Variants in HDAC8 observed in about 807,000 individuals in gnomAD.
The protein encoded by HDAC8 is histone deacetylase-like 1.
In HDAC8, 1 loss-of-function variant was observed where a neutral mutation model predicts 32.2. The observed-to-expected ratio is 0.03, with a 90% confidence interval of 0.01 to 0.15. The LOEUF (loss-of-function observed/expected upper bound fraction) is 0.15. HDAC8 is among the 10% of genes least tolerant of loss of function. The pLI is 1.00. For missense variants in HDAC8, 117 were observed against 300.0 expected (o/e 0.39, Z 4.51); for synonymous variants, 108 against 113.9 (o/e 0.95, Z 0.33).
intron 10 of HDAC8, among the ~76,000 whole-genome samples, chrX:72,331,815 C>T (rs1252643279): frequency 8.9e-5 from 10 of 112,004 alleles, no homozygotes; most frequent in African/African-American, 2.6e-4. Context: ...GTGTATAATT[C>T]TAGGCCATTT....
intron 4 of HDAC8, among the ~76,000 whole-genome samples, chrX:72,554,875 C>G (rs1465354544): frequency 8.9e-6 from 1 of 112,293 alleles, no homozygotes; most frequent in African/African-American, 3.2e-5. Flanking sequence ...AATACTTAAA[C>G]AGGTGTCCCC....
intron 9 of HDAC8, among the ~76,000 whole-genome samples, chrX:72,448,469 A>G (rs1414824457): frequency 2.7e-5 from 3 of 112,531 alleles, no homozygotes; most frequent in African/African-American, 9.7e-5. Context: ...AAGACCTAAA[A>G]TCATAAAAAC....
At chrX:72,337,271 G>A (rs979700356) in intron 10 of HDAC8, among the ~76,000 whole-genome samples, 13 of 112,123 alleles carry the variant, frequency 1.2e-4, no homozygotes, top group Non-Finnish European at 2.1e-4. Context: ...TGCTCAATAT[G>A]GTAGCCACTA....
At chrX:72,340,598 CA>C (rs2043862917) in intron 10 of HDAC8, among the ~76,000 whole-genome samples, 1 of 111,729 alleles carries the variant, frequency 9.0e-6, no homozygotes, top group African/African-American at 3.3e-5. Flanking sequence ...CTATTCACCT[CA>C]AGGCATATCA....
chrX:72,531,787 A>T (rs2050348642), intron 4 of HDAC8, among the ~76,000 whole-genome samples: 2 of 112,411 alleles, frequency 1.8e-5, no homozygotes, highest in South Asian at 7.3e-4. Flanking sequence ...ATGTTGTAGC[A>T]TGTATCAGTA....
chrX:72,388,216 G>A (rs1471211286), intron 9 of HDAC8, among the ~76,000 whole-genome samples: 3 of 110,529 alleles, frequency 2.7e-5, no homozygotes, highest in African/African-American at 9.9e-5. Flanking sequence ...GTGTGTGTGT[G>A]TGTTTGTGTA....
chrX:72,345,270 G>C (rs1299406770), intron 10 of HDAC8, among the ~76,000 whole-genome samples: 1 of 111,016 alleles, frequency 9.0e-6, no homozygotes, highest in East Asian at 2.8e-4. Context: ...AGGGGGAGAG[G>C]GTTTACTAGG....
chrX:72,455,350 T>C (rs1282257455), intron 9 of HDAC8, among the ~76,000 whole-genome samples: 2 of 112,010 alleles, frequency 1.8e-5, no homozygotes, highest in African/African-American at 6.5e-5. Context: ...GTATTAATTT[T>C]ATTAAATCCT....
chrX:72,445,787 T>C (rs1555984516), intron 9 of HDAC8, among the ~76,000 whole-genome samples: 1 of 112,104 alleles, frequency 8.9e-6, no homozygotes, highest in East Asian at 2.8e-4. Context: ...CCTGCTCATC[T>C]GACAAAGGGC....
At chrX:72,418,029 C>A (rs1229468433) in intron 9 of HDAC8, among the ~76,000 whole-genome samples, 3 of 111,379 alleles carry the variant, frequency 2.7e-5, no homozygotes, top group Non-Finnish European at 5.7e-5. Flanking sequence ...TAAAATTGGA[C>A]CCCTATCTGT....
At chrX:72,567,004 G>C (rs1271299027) in intron 4 of HDAC8, among the ~76,000 whole-genome samples, 1 of 111,990 alleles carries the variant, frequency 8.9e-6, no homozygotes, top group Non-Finnish European at 1.9e-5. Context: ...AATTAGCTGG[G>C]CATGATGGCG....
intron 9 of HDAC8, among the ~76,000 whole-genome samples, chrX:72,383,490 G>C (rs1259627453): frequency 8.9e-6 from 1 of 112,091 alleles, no homozygotes; most frequent in Non-Finnish European, 1.9e-5. Flanking sequence ...TTGTAAGCAA[G>C]AATTCTTGAC....
intron 10 of HDAC8, among the ~76,000 whole-genome samples, chrX:72,339,628 A>G (rs1310165415): frequency 1.8e-5 from 2 of 112,118 alleles, no homozygotes; most frequent in Non-Finnish European, 3.8e-5. Context: ...AGGTGGCCAG[A>G]GGCCATATCA....
intron 9 of HDAC8, among the ~76,000 whole-genome samples, chrX:72,425,473 C>T (rs1465256230): frequency 9.0e-6 from 1 of 111,632 alleles, no homozygotes; most frequent in East Asian, 2.8e-4. Context: ...TGGTATGTTC[C>T]ATGGGTGCTT....
chrX:72,481,274 C>T (rs782509187), intron 7 of HDAC8, among the ~76,000 whole-genome samples: 140 of 110,412 alleles, frequency 1.3e-3, no homozygotes, highest in African/African-American at 4.5e-3. Flanking sequence ...GGGAATTGCC[C>T]CTATGATCTA....
Position 72,488,505 on chromosome X carries a change from A to C in HDAC8, c.737+428T>G, listed in dbSNP as rs550877092. 8.9e-5 allele frequency among the ~76,000 whole-genome samples: 10 copies of C among 112,176 alleles called. No individual in the cohort carries two copies. The South Asian group carries it at 3.8e-3, about 42-fold the overall frequency. The stretch of plus-strand genomic sequence containing the variant: ...CACAGTGGATAGAAGGTAAGAATGC[A>C]TGATGAATAATAATAGTCAATTCTC... On this transcript the variant is annotated intron_variant, in intron 7 of 10. Transcript: ENST00000373573.
intron 9 of HDAC8, among the ~76,000 whole-genome samples, chrX:72,442,225 C>T (rs782630678): frequency 9.1e-6 from 1 of 110,233 alleles, no homozygotes; most frequent in South Asian, 3.9e-4. Flanking sequence ...CTCCAAGACA[C>T]GTAATTGTCA....
chrX:72,512,671 G>A (rs781953514), intron 4 of HDAC8, among the ~76,000 whole-genome samples: 2 of 110,715 alleles, frequency 1.8e-5, no homozygotes, highest in Admixed American at 9.6e-5. Context: ...TTGGCCAAAC[G>A]TTGCAGAGCG....
At chrX:72,396,956 T>G (rs781864649) in intron 9 of HDAC8, among the ~76,000 whole-genome samples, 3 of 111,941 alleles carry the variant, frequency 2.7e-5, no homozygotes, top group Non-Finnish European at 5.6e-5. Flanking sequence ...TTTAATTAGC[T>G]CACAATTTTG....
Sources: allele counts gnomAD v4.1 joint callset (sites outside exome capture counted in the v4.1 genomes callset), GRCh38; gene constraint gnomAD v4.1.1; transcripts MANE v1.5; gene names NCBI Gene and HGNC (gene_info 2026-07-23, HGNC 2026-07-21).